The following CCDC171 variants were observed in gnomAD, a reference collection of about 807,000 sequenced individuals.
CCDC171 encodes coiled-coil domain containing 171, also known as coiled-coil domain-containing protein 171.
CCDC171 carries 177 observed loss-of-function variants against 168.2 expected under a neutral mutation model. The ratio of observed to expected loss-of-function variants is 1.05; its 90% CI spans 0.93 to 1.19. The LOEUF is 1.19. Among genes scored for constraint, CCDC171 ranks in the 50% most tolerant of loss-of-function variants. The pLI is 0.00. For synonymous variants in CCDC171, 687 were observed against 540.8 expected (o/e 1.27, Z -3.75); for missense variants, 1,991 against 1,539.0 (o/e 1.29, Z -4.91).
At chr9:15,571,436 A>G (rs768245710) in intron 2 of CCDC171, among the ~76,000 whole-genome samples, 188 bp from the exon 3 acceptor site, 3 of 152,156 alleles carry the variant, frequency 2.0e-5, no homozygotes, top group Non-Finnish European at 4.4e-5. Context: ...CTATCTATAT[A>G]TATATACTAC....
intron 6 of CCDC171, among the ~76,000 whole-genome samples, chr9:15,596,417 C>T (rs1327742727): frequency 2.6e-5 from 4 of 151,936 alleles, no homozygotes; most frequent in African/African-American, 7.3e-5. Flanking sequence ...TTCCCCATTT[C>T]TTGTTTTTGT....
chr9:15,833,392 T>A (rs2060316230), intron 21 of CCDC171, among the ~76,000 whole-genome samples: 1 of 152,172 alleles, frequency 6.6e-6, no homozygotes, highest in African/African-American at 2.4e-5. Flanking sequence ...GAAACTGAAG[T>A]GTTCAAATAT....
chr9:15,602,780 C>G (rs528808931), intron 6 of CCDC171, among the ~76,000 whole-genome samples: 1 of 151,282 alleles, frequency 6.6e-6, no homozygotes, highest in African/African-American at 2.4e-5. Context: ...GCCTCAGTCT[C>G]CTGAGTAGCT....
At chr9:15,752,097 A>C (rs2055786995) in intron 18 of CCDC171, among the ~76,000 whole-genome samples, 2 of 152,262 alleles carry the variant, frequency 1.3e-5, no homozygotes, top group Admixed American at 6.5e-5. Flanking sequence ...TGGGCAAAGG[A>C]TATGAACAGA....
chr9:15,820,730 G>A lies in CCDC171; in HGVS notation c.3268-25972G>A, dbSNP rs1279410842. On this transcript the variant is annotated intron_variant, in intron 21 of 25. Coordinates refer to ENST00000380701, the MANE Select transcript of CCDC171 (RefSeq NM_173550.4). Reference sequence around the variant, plus strand: ...AACCAAAAAAAGTCCAGGACCAGATGGATTCACAGCCGAATTCTACCAGAG... The same window carrying A: ...AACCAAAAAAAGTCCAGGACCAGATAGATTCACAGCCGAATTCTACCAGAG... Among the ~76,000 whole-genome samples the A allele has an allele frequency of 2.6e-5, 3 of 116,922 alleles. 1 individual carries two copies. The highest frequency in any genetic ancestry group is 5.8e-5 in the Non-Finnish European group (3 of 52,148). 76.7% of individuals were successfully genotyped at this position (116,922 alleles called of 152,430 possible).
At chr9:15,915,485 C>G (rs1034360426) in intron 24 of CCDC171, among the ~76,000 whole-genome samples, 2 of 152,034 alleles carry the variant, frequency 1.3e-5, no homozygotes, top group African/African-American at 2.4e-5. Flanking sequence ...TGAAACTTTA[C>G]TGAATTTATC....
At chr9:15,814,917 A>T (rs1190552131) in intron 21 of CCDC171, among the ~76,000 whole-genome samples, 1 of 152,348 alleles carries the variant, frequency 6.6e-6, no homozygotes, top group East Asian at 1.9e-4. Context: ...TGAGATTTTG[A>T]TATGACAATG....
chr9:15,993,636 C>G (rs1032228816), intron 3 of CCDC171, among the ~76,000 whole-genome samples: 2 of 152,176 alleles, frequency 1.3e-5, no homozygotes, highest in African/African-American at 4.8e-5. Context: ...GCAAAAGAAA[C>G]TACCATCAGC....
At chr9:15,712,017 G>T (rs945086157) in intron 11 of CCDC171, among the ~76,000 whole-genome samples, 13 of 152,212 alleles carry the variant, frequency 8.5e-5, no homozygotes, top group African/African-American at 3.1e-4. Context: ...TTGAAGTCCT[G>T]AGAACTGGGA....
chr9:15,957,876 T>C (rs1335475755), intron 25 of CCDC171, among the ~76,000 whole-genome samples: 1 of 152,072 alleles, frequency 6.6e-6, no homozygotes, highest in African/African-American at 2.4e-5. Flanking sequence ...TGGCCTAAGG[T>C]AAAATGCAAT....
At chr9:15,627,692 A>C (rs185832626) in intron 7 of CCDC171, among the ~76,000 whole-genome samples, 1 of 152,150 alleles carries the variant, frequency 6.6e-6, no homozygotes, top group African/African-American at 2.4e-5. Flanking sequence ...ACAGTTTGTT[A>C]TAATTTCTGT....
chr9:15,778,783 A>G (rs2057491573), intron 19 of CCDC171, among the ~76,000 whole-genome samples, 185 bp from the exon 20 acceptor site: 1 of 152,092 alleles, frequency 6.6e-6, no homozygotes, highest in African/African-American at 2.4e-5. Flanking sequence ...TTTTCTCCAG[A>G]TGTTCATTTT....
chr9:15,577,132 A>G (rs2040733261), intron 3 of CCDC171, among the ~76,000 whole-genome samples: 1 of 152,212 alleles, frequency 6.6e-6, no homozygotes, highest in Admixed American at 6.5e-5. Flanking sequence ...TCTTCATTGA[A>G]CTTGTAATTT....
At chr9:16,088,253 C>G in the CCDC171 span, among the ~76,000 whole-genome samples, 21,992 of 152,120 alleles carry the variant, frequency 0.14, 1,644 homozygotes, top group South Asian at 0.15. Flanking sequence ...ATGACACACC[C>G]ACAGCCAATA....
chr9:16,033,110 G>C (rs1449690970), intron 6 of CCDC171, among the ~76,000 whole-genome samples: 6 of 152,170 alleles, frequency 3.9e-5, no homozygotes, highest in Non-Finnish European at 7.3e-5. Flanking sequence ...AGAAACACCA[G>C]TGTCCACTGT....
intron 24 of CCDC171, among the ~76,000 whole-genome samples, chr9:15,914,535 T>G (rs1412920375): frequency 6.6e-6 from 1 of 152,178 alleles, no homozygotes; most frequent in Non-Finnish European, 1.5e-5. Flanking sequence ...TTCGGACTGC[T>G]GTGCTGGCAG....
intron 6 of CCDC171, among the ~76,000 whole-genome samples, chr9:15,605,263 G>A (rs1395439087): frequency 6.6e-6 from 1 of 151,964 alleles, no homozygotes; most frequent in Non-Finnish European, 1.5e-5. Context: ...CCTTAAGGAA[G>A]TTTACCTTAA....
rs575269127 is a variant in CCDC171 at position 15,856,208 on chromosome 9, C to G, written c.3468+7261C>G. Among the ~76,000 whole-genome samples, 36 of 152,052 alleles carry G rather than the reference C, an allele frequency of 2.4e-4. 1 individual carries two copies. Among genetic ancestry groups the G allele is most frequent in the African/African-American group, 8.0e-4 (33 of 41,494 alleles). On this transcript the variant is annotated intron_variant, in intron 23 of 25. Coordinates refer to ENST00000380701, the MANE Select transcript of CCDC171 (RefSeq NM_173550.4). The stretch of plus-strand genomic sequence containing the variant: ...GAACACTTAATCTAAGATCTAGCCT[C>G]TTAATGGATTTTTCGTATGCAATAC...
chr9:15,581,030 C>A (rs2041069762), intron 4 of CCDC171, among the ~76,000 whole-genome samples: 2 of 152,262 alleles, frequency 1.3e-5, no homozygotes, highest in Admixed American at 6.5e-5. Context: ...ATTTAGAAAA[C>A]CCCATCATCT....
Sources: allele counts gnomAD v4.1 joint callset (sites outside exome capture counted in the v4.1 genomes callset), GRCh38; gene constraint gnomAD v4.1.1; transcripts MANE v1.5; gene names NCBI Gene and HGNC (gene_info 2026-07-23, HGNC 2026-07-21).